The following TRAPPC10 variants were observed in gnomAD, a reference collection of about 807,000 sequenced individuals.
The protein encoded by TRAPPC10 is TRAPP 130 kDa subunit.
In TRAPPC10, 23 loss-of-function variants were observed where a neutral mutation model predicts 125.5. The observed-to-expected ratio is 0.18, with a 90% confidence interval of 0.13 to 0.26. TRAPPC10 has a LOEUF of 0.26. TRAPPC10 is among the 10% of genes least tolerant of loss of function. The pLI is 1.00. For synonymous variants in TRAPPC10, 509 were observed against 518.0 expected, an observed-to-expected ratio of 0.98 and a Z score of 0.24; for missense variants, 1,123 against 1,308.4, an observed-to-expected ratio of 0.86 and a Z score of 2.19.
chr21:44,027,610 C>A (rs2033184883), intron 1 of TRAPPC10, among the ~76,000 whole-genome samples: 1 of 152,158 alleles, frequency 6.6e-6, no homozygotes, highest in Non-Finnish European at 1.5e-5. Context: ...TAGGGGAGTT[C>A]TTGATGTCTT....
chr21:44,080,974 T>A (rs2037666371), intron 13 of TRAPPC10, among the ~76,000 whole-genome samples: 1 of 151,402 alleles, frequency 6.6e-6, no homozygotes, highest in Non-Finnish European at 1.5e-5. Context: ...CAGGAATATG[T>A]GCAACCATTA....
intron 11 of TRAPPC10, among the ~76,000 whole-genome samples, chr21:44,078,703 C>T (rs2037456687): frequency 6.6e-6 from 1 of 152,182 alleles, no homozygotes; most frequent in African/African-American, 2.4e-5. Context: ...GAGGAAGGTG[C>T]TCCTTAAGGA....
chr21:44,094,026 G>A (rs1243161569), intron 19 of TRAPPC10, 37 bp from the exon 20 acceptor site: 1 of 1,596,896 alleles, frequency 6.3e-7, no homozygotes, highest in Non-Finnish European at 8.5e-7. Context: ...TGCGGTTATG[G>A]TGCTGTGTGA....
At position 44,094,043 on chromosome 21, in the gene TRAPPC10, A is replaced by G. The variant is rs1569227492; in HGVS notation, c.2998-20A>G. The G allele has an allele frequency of 6.2e-7, 1 of 1,606,538 alleles. No individual in the cohort carries two copies. Among genetic ancestry groups the G allele is most frequent in the African/African-American group, 1.3e-5 (1 of 74,452 alleles). ...CGGTTATGGTGCTGTGTGAGCAGTG[A>G]CCCCCAACTCTCTTTCCAGCCCATC... is the stretch of plus-strand genomic sequence containing the variant. On this transcript the variant is annotated intron_variant, in intron 19 of 22. Coordinates refer to ENST00000291574, the MANE Select transcript of TRAPPC10 (RefSeq NM_003274.5).
At chr21:44,025,588 C>T (rs1471313698) in intron 1 of TRAPPC10, among the ~76,000 whole-genome samples, 1 of 151,760 alleles carries the variant, frequency 6.6e-6, no homozygotes. Context: ...TAGAAGAGTT[C>T]ATTCAACTTC....
intron 7 of TRAPPC10, among the ~76,000 whole-genome samples, chr21:44,065,293 G>C (rs959060153): frequency 1.3e-5 from 2 of 152,286 alleles, no homozygotes; most frequent in East Asian, 3.9e-4. Context: ...GGAGCCATAC[G>C]GGGTCTGTTG....
At chr21:44,079,073 TC>T (rs2146068199) in intron 11 of TRAPPC10, among the ~76,000 whole-genome samples, 2 of 152,298 alleles carry the variant, frequency 1.3e-5, no homozygotes, top group South Asian at 4.1e-4. Context: ...GGCTCTGTGC[TC>T]CCTTCCGCTT....
intron 3 of TRAPPC10, chr21:44,046,256 T>C (rs538976352): frequency 2.4e-5 from 5 of 208,434 alleles, no homozygotes; most frequent in Middle Eastern, 4.9e-4. Context: ...TAAATTGTGT[T>C]TTTCACAGAG....
chr21:44,061,409 C>T (rs992314728), intron 6 of TRAPPC10, among the ~76,000 whole-genome samples: 2 of 152,092 alleles, frequency 1.3e-5, no homozygotes, highest in African/African-American at 4.8e-5. Context: ...GCTGGGATTA[C>T]AGGCGTGAGC....
intron 7 of TRAPPC10, among the ~76,000 whole-genome samples, chr21:44,072,942 C>A (rs990778713): frequency 6.6e-6 from 1 of 152,202 alleles, no homozygotes; most frequent in Non-Finnish European, 1.5e-5. Flanking sequence ...TCCAGGCCTG[C>A]TGTGGTTTGA....
intron 1 of TRAPPC10, among the ~76,000 whole-genome samples, chr21:44,024,972 A>C (rs2032910056): frequency 6.6e-6 from 1 of 151,480 alleles, no homozygotes; most frequent in African/African-American, 2.4e-5. Context: ...TTTCCCCCGG[A>C]CTCCACTCCA....
intron 13 of TRAPPC10, among the ~76,000 whole-genome samples, chr21:44,080,858 A>G (rs1601786780): frequency 6.9e-6 from 1 of 144,398 alleles, no homozygotes; most frequent in African/African-American, 2.7e-5. Flanking sequence ...ATTTTTTAAG[A>G]TGGTGCTTTT....
chr21:44,050,625 G>A (rs936721559), intron 3 of TRAPPC10, among the ~76,000 whole-genome samples: 1 of 152,180 alleles, frequency 6.6e-6, no homozygotes, highest in Non-Finnish European at 1.5e-5. Context: ...CACCAGTGCT[G>A]TAAAATCTAT....
intron 15 of TRAPPC10, 80 bp downstream of exon 15, chr21:44,084,343 A>G (rs1048804885): frequency 2.8e-6 from 4 of 1,436,870 alleles, no homozygotes; most frequent in East Asian, 2.5e-5. Flanking sequence ...CAGGCTTCTC[A>G]TAAGTTTTAG....
intron 5 of TRAPPC10, among the ~76,000 whole-genome samples, chr21:44,057,462 T>C (rs189110273): frequency 2.6e-4 from 39 of 152,204 alleles, no homozygotes; most frequent in Non-Finnish European, 4.3e-4. Flanking sequence ...CACGCCCAGC[T>C]AATTTTTGTA....
At chr21:44,071,680 A>G (rs1278910031) in intron 7 of TRAPPC10, among the ~76,000 whole-genome samples, 3 of 152,222 alleles carry the variant, frequency 2.0e-5, no homozygotes, top group Admixed American at 6.5e-5. Context: ...ATTCACATGC[A>G]TGTCTTTTTT....
At chr21:44,042,989 T>G (rs941603463) in intron 3 of TRAPPC10, among the ~76,000 whole-genome samples, 4 of 152,042 alleles carry the variant, frequency 2.6e-5, no homozygotes, top group Non-Finnish European at 4.4e-5. Flanking sequence ...TTCAAATTAT[T>G]TATATATATT....
intron 17 of TRAPPC10, chr21:44,089,317 A>G (rs979827982): frequency 6.0e-5 from 21 of 349,098 alleles, no homozygotes; most frequent in Non-Finnish European, 1.1e-4. Flanking sequence ...CCCTTAAGGG[A>G]TGTAATAGCT....
At chr21:44,085,900 C>T (rs909956371) in intron 15 of TRAPPC10, among the ~76,000 whole-genome samples, 6 of 152,104 alleles carry the variant, frequency 3.9e-5, no homozygotes, top group Non-Finnish European at 7.4e-5. Context: ...GGGCTAGCAA[C>T]GATTTATTTA....
Sources: allele counts gnomAD v4.1 joint callset (sites outside exome capture counted in the v4.1 genomes callset), GRCh38; gene constraint gnomAD v4.1.1; transcripts MANE v1.5; gene names NCBI Gene and HGNC (gene_info 2026-07-23, HGNC 2026-07-21).